Variants in MYOZ2 observed in about 807,000 individuals in gnomAD.
The protein encoded by MYOZ2 is myozenin-2.
MYOZ2 carries 19 observed loss-of-function variants against 25.4 expected under a neutral mutation model. The observed-to-expected ratio is 0.75, with a 90% CI of 0.52 to 1.10. MYOZ2 has a LOEUF of 1.10. MYOZ2 is among the 50% of genes least tolerant of loss of function. MYOZ2 has a pLI of 0.00. For missense variants in MYOZ2, 270 were observed against 317.9 expected (o/e 0.85, Z 1.15); for synonymous variants, 92 against 106.9 (o/e 0.86, Z 0.86).
In MYOZ2 at chr4:119,158,019, C is replaced by T. The variant is rs774202003; in HGVS notation, c.247-3C>T. On this transcript the variant is annotated splice_polypyrimidine_tract_variant and splice_region_variant and intron_variant, in intron 3 of 5. Coordinates refer to ENST00000307128, the MANE Select transcript of MYOZ2 (RefSeq NM_016599.5). ...AGCAGAGTTTACTTTTGATTAAATA[C>T]AGCACAGTATTGCTATGCAGAATGG... 2.4e-5 allele frequency: 38 copies of T among 1,613,808 alleles called. No homozygotes were observed. The highest frequency in any genetic ancestry group is 3.1e-5 in the Non-Finnish European group (37 of 1,179,898).
rs1742297532 is a variant in MYOZ2 at position 119,186,461 on chromosome 4, C to CA, written c.*265dup. On this transcript the variant is annotated 3_prime_UTR_variant, in exon 6 of 6. Transcript: ENST00000307128. The stretch of plus-strand genomic sequence containing the variant: ...TTTAAAGAATCCAGATATTTTACTG[C>CA]AAAAGTTCAGATGGAAAAGTAATTG... The CA allele has an allele frequency of 2.3e-6, 1 of 437,502 alleles. No homozygotes were observed. Among genetic ancestry groups the CA allele is most frequent in the African/African-American group, 2.0e-5 (1 of 49,312 alleles). The allele number at this position is 437,502 out of a possible 1,614,324, so 27.1% of individuals were successfully genotyped here.
At chr4:119,154,557 G>T (rs12642637) in intron 3 of MYOZ2, among the ~76,000 whole-genome samples, 34,437 of 152,088 alleles carry the variant, frequency 0.23, 4,624 homozygotes, top group South Asian at 0.36. Context: ...AGAGGTTACA[G>T]AAGGTATTAC....
intron 2 of MYOZ2, among the ~76,000 whole-genome samples, chr4:119,147,362 G>A (rs1268965992): frequency 6.6e-6 from 1 of 151,784 alleles, no homozygotes; most frequent in African/African-American, 2.4e-5. Context: ...TAGCTTTCAG[G>A]AGTTGCTCTA....
chr4:119,153,710 C>T (rs1741508328), intron 3 of MYOZ2, among the ~76,000 whole-genome samples: 1 of 151,962 alleles, frequency 6.6e-6, no homozygotes, highest in African/African-American at 2.4e-5. Flanking sequence ...GCCATTTGTT[C>T]AAATACTACC....
chr4:119,136,510 A>G lies in MYOZ2; in HGVS notation c.-14-2A>G. 1 of 1,611,956 alleles carries G rather than the reference A, an allele frequency of 6.2e-7. No individual in the cohort carries two copies. The highest frequency in any genetic ancestry group is 2.2e-5 in the East Asian group (1 of 44,814). On this transcript the variant is annotated splice_acceptor_variant, in intron 1 of 5. Transcript: ENST00000307128. LOFTEE classifies it low-confidence loss of function (5UTR_SPLICE). ...TCAATAATGTCCCTTTGTTTTTAAC[A>G]GGGAACAAAAAAACCATGCTATCAC...
chr4:119,153,894 A>G (rs1295711120), intron 3 of MYOZ2, among the ~76,000 whole-genome samples: 2 of 152,146 alleles, frequency 1.3e-5, no homozygotes, highest in Admixed American at 6.5e-5. Flanking sequence ...CCTAGTTCAT[A>G]AACTATTTTT....
At chr4:119,183,099 A>G in intron 5 of MYOZ2, among the ~76,000 whole-genome samples, 1 of 152,210 alleles carries the variant, frequency 6.6e-6, no homozygotes, top group African/African-American at 2.4e-5. Flanking sequence ...TAGAGAATCT[A>G]TATAGTCTTG....
At chr4:119,148,491 C>A (rs6857405) in intron 2 of MYOZ2, among the ~76,000 whole-genome samples, 89,515 of 151,698 alleles carry the variant, frequency 0.59, 28,704 homozygotes, top group Non-Finnish European at 0.72. Context: ...AATGCTATAT[C>A]TTTTATTAGA....
chr4:119,166,509 CAAA>C (rs34894750), intron 5 of MYOZ2, among the ~76,000 whole-genome samples: 1 of 136,302 alleles, frequency 7.3e-6, no homozygotes. Flanking sequence ...GACCCTGTCT[CAAA>C]AAAAAAAAAA....
chr4:119,148,963 A>G (rs1312458066), intron 2 of MYOZ2, among the ~76,000 whole-genome samples: 1 of 151,778 alleles, frequency 6.6e-6, no homozygotes, highest in Non-Finnish European at 1.5e-5. Context: ...AGTTCTTTGT[A>G]TAAGTGATTT....
chr4:119,162,612 G>A (rs1433862419), intron 4 of MYOZ2, among the ~76,000 whole-genome samples: 1 of 152,196 alleles, frequency 6.6e-6, no homozygotes, highest in Non-Finnish European at 1.5e-5. Context: ...TTAAACATTG[G>A]AGTTTTAGGT....
chr4:119,156,488 T>A, intron 3 of MYOZ2, among the ~76,000 whole-genome samples: 1 of 152,060 alleles, frequency 6.6e-6, no homozygotes, highest in Non-Finnish European at 1.5e-5. Context: ...GAGTTTGCAA[T>A]TAGGCATGCG....
chr4:119,156,434 C>T (rs1486181013), intron 3 of MYOZ2, among the ~76,000 whole-genome samples: 1 of 151,800 alleles, frequency 6.6e-6, no homozygotes, highest in African/African-American at 2.4e-5. Flanking sequence ...AAGGCTAAAA[C>T]ATTTAGGCTT....
chr4:119,185,321 T>G (rs1462312045), intron 5 of MYOZ2, among the ~76,000 whole-genome samples: 1 of 152,014 alleles, frequency 6.6e-6, no homozygotes, highest in Non-Finnish European at 1.5e-5. Context: ...GGAATATCTT[T>G]TTTTTTTCTT....
At position 119,187,134 on chromosome 4, in the gene MYOZ2, AAAAC is replaced by A. The variant is rs1742311062; in HGVS notation, c.*938_*941del. 1 of 152,228 alleles carries A rather than the reference AAAAC, an allele frequency of 6.6e-6. No homozygotes were observed. The highest frequency in any genetic ancestry group is 2.1e-4 in the South Asian group (1 of 4,834). 9.4% of individuals were successfully genotyped at this position (152,228 alleles called of 1,614,324 possible). On this transcript the variant is annotated 3_prime_UTR_variant, in exon 6 of 6. Coordinates refer to ENST00000307128, the MANE Select transcript of MYOZ2 (RefSeq NM_016599.5). Reference sequence around the variant, plus strand: ...GAGTACATGCTTTAGGACACAAACAAAAACAAAGGGCATGAAAGTATCTGAAAGC... The same window carrying A: ...GAGTACATGCTTTAGGACACAAACAAAAAGGGCATGAAAGTATCTGAAAGC...
intron 5 of MYOZ2, among the ~76,000 whole-genome samples, chr4:119,183,814 CT>C (rs34741874): frequency 0.011 from 1,584 of 138,672 alleles, 24 homozygotes; most frequent in African/African-American, 0.037. Context: ...CCACTGTTGT[CT>C]TTTTTTTTTT....
At chr4:119,150,698 T>G (rs1741426843) in intron 2 of MYOZ2, among the ~76,000 whole-genome samples, 174 bp from the exon 3 acceptor site, 1 of 152,008 alleles carries the variant, frequency 6.6e-6, no homozygotes, top group African/African-American at 2.4e-5. Flanking sequence ...TTGCAATAGG[T>G]ATTAGTATTA....
chr4:119,150,744 A>T, intron 2 of MYOZ2, 128 bp from the exon 3 acceptor site: 2 of 913,612 alleles, frequency 2.2e-6, no homozygotes, highest in South Asian at 1.6e-5. Context: ...ACTGAGGTTT[A>T]GAGAAAATAA....
At chr4:119,174,901 C>T (rs1192752303) in intron 5 of MYOZ2, among the ~76,000 whole-genome samples, 1 of 152,034 alleles carries the variant, frequency 6.6e-6, no homozygotes, top group East Asian at 1.9e-4. Context: ...GACCACGAGC[C>T]CACCAGGAGG....
Sources: gnomAD v4.1 joint callset for allele counts (sites outside exome capture counted in the v4.1 genomes callset) on GRCh38, gnomAD v4.1.1 for gene constraint, MANE v1.5 for transcripts, NCBI Gene and HGNC (gene_info 2026-07-23, HGNC 2026-07-21) for gene names.